The following ZNF611 variants were observed in gnomAD, a reference collection of about 807,000 sequenced individuals.
The protein encoded by ZNF611 is zinc finger protein 611.
ZNF611 carries 6 observed loss-of-function variants against 8.9 expected under a neutral mutation model. The observed-to-expected ratio is 0.68, with a 90% confidence interval of 0.37 to 1.34. The LOEUF is 1.34. Ranked by LOEUF, ZNF611 falls within the 40% of genes most tolerant of loss-of-function variation. ZNF611 has a pLI of 0.02. For synonymous variants in ZNF611, 262 were observed against 279.7 expected (o/e 0.94, Z 0.63); for missense variants, 874 against 841.3 (o/e 1.04, Z -0.48).
At chr19:52,725,654 C>T (rs962330943) in intron 3 of ZNF611, among the ~76,000 whole-genome samples, 14 of 152,162 alleles carry the variant, frequency 9.2e-5, no homozygotes, top group African/African-American at 3.4e-4. Context: ...GAGGACCCCA[C>T]GTCCCAGGGA....
chr19:52,733,339 C>G (rs1247664320), intron 1 of ZNF611, among the ~76,000 whole-genome samples: 1 of 152,130 alleles, frequency 6.6e-6, no homozygotes, highest in Non-Finnish European at 1.5e-5. Flanking sequence ...CTCGCTCTGA[C>G]GACCAGGCTG....
chr19:52,734,263 G>A (rs1278356082), intron 1 of ZNF611, among the ~76,000 whole-genome samples: 2 of 150,308 alleles, frequency 1.3e-5, no homozygotes, highest in Non-Finnish European at 3.0e-5. Context: ...ATCTGTTATG[G>A]GCCTTTCTTA....
At chr19:52,713,488 G>A (rs147388223) in intron 5 of ZNF611, among the ~76,000 whole-genome samples, 3 of 152,232 alleles carry the variant, frequency 2.0e-5, no homozygotes, top group African/African-American at 7.2e-5. Context: ...TGATGTCCTC[G>A]CTGGGAGGAA....
At chr19:52,717,065 C>G (rs2062322371) in intron 3 of ZNF611, among the ~76,000 whole-genome samples, 1 of 151,822 alleles carries the variant, frequency 6.6e-6, no homozygotes, top group African/African-American at 2.4e-5. Flanking sequence ...AAGACTGCAA[C>G]CATTTGTGCC....
chr19:52,714,310 A>G (rs1269536589), intron 4 of ZNF611, among the ~76,000 whole-genome samples, 169 bp from the exon 5 acceptor site: 1 of 152,160 alleles, frequency 6.6e-6, no homozygotes, highest in East Asian at 1.9e-4. Context: ...GTTTTATTGT[A>G]GTTTTCCTTG....
chr19:52,726,484 G>C (rs1034810964), intron 3 of ZNF611, among the ~76,000 whole-genome samples: 2 of 152,144 alleles, frequency 1.3e-5, no homozygotes, highest in African/African-American at 2.4e-5. Flanking sequence ...GCAGTGGCAT[G>C]ATTTTGGCTC....
intron 2 of ZNF611, among the ~76,000 whole-genome samples, chr19:52,729,492 C>CAAAAAAAAAAAAAAAAAAAAAAAAAAA (rs397859789): frequency 4.0e-4 from 17 of 42,356 alleles, no homozygotes; most frequent in East Asian, 1.8e-3. Flanking sequence ...GACTCCATCT[C>CAAAAAAAAAAAAAAAAAAAAAAAAAAA]AAAAAAAAAA....
At chr19:52,732,902 G>A (rs1378692920) in intron 1 of ZNF611, among the ~76,000 whole-genome samples, 1 of 151,840 alleles carries the variant, frequency 6.6e-6, no homozygotes, top group South Asian at 2.1e-4. Context: ...TGCAGTTAGA[G>A]GAGATCACGC....
In ZNF611 at chr19:52,713,998, A is replaced by C; in HGVS notation, c.190+17T>G. On this transcript the variant is annotated intron_variant, in intron 5 of 5. Coordinates refer to ENST00000652185, the MANE Select transcript of ZNF611 (RefSeq NM_001161499.2). ...ACAAGAGCAGACTCCTCATGTCTGC[A>C]GGGACATTTTCCTCACCCACAGCCT... The C allele has an allele frequency of 6.2e-7, 1 of 1,614,006 alleles. No homozygotes were observed. The highest frequency in any genetic ancestry group is 8.5e-7 in the Non-Finnish European group (1 of 1,179,970).
At chr19:52,722,759 C>T (rs761234695) in intron 3 of ZNF611, among the ~76,000 whole-genome samples, 17 of 152,270 alleles carry the variant, frequency 1.1e-4, no homozygotes, top group Non-Finnish European at 1.9e-4. Context: ...AAAACAGGGT[C>T]TTGCTCTTTT....
chr19:52,718,113 G>C (rs944457370), intron 3 of ZNF611, among the ~76,000 whole-genome samples: 4 of 152,096 alleles, frequency 2.6e-5, no homozygotes, highest in African/African-American at 9.7e-5. Flanking sequence ...GGGAGGCCAG[G>C]GCATGATCAC....
At chr19:52,718,203 G>T (rs965494211) in intron 3 of ZNF611, among the ~76,000 whole-genome samples, 1 of 152,102 alleles carries the variant, frequency 6.6e-6, no homozygotes, top group African/African-American at 2.4e-5. Context: ...AGCAGGAAAT[G>T]GTTGTGCACA....
At chr19:52,721,723 G>A (rs1306310961) in intron 3 of ZNF611, among the ~76,000 whole-genome samples, 1 of 151,962 alleles carries the variant, frequency 6.6e-6, no homozygotes, top group Non-Finnish European at 1.5e-5. Context: ...CAGAGGGAGA[G>A]GGAGAGGGAA....
chr19:52,731,081 G>A (rs536895459), intron 1 of ZNF611, among the ~76,000 whole-genome samples: 17 of 151,538 alleles, frequency 1.1e-4, no homozygotes, highest in African/African-American at 4.1e-4. Flanking sequence ...GGGGGTGGGG[G>A]AGACAGAGTC....
chr19:52,705,147 G>T lies in ZNF611; in HGVS notation c.1908C>A (p.Ser636=), dbSNP rs1319318416. ...ECGNTFRHCS[S]LIYHRRLHTG... Reference sequence around the variant, plus strand: ...TATGAAGTCTACGATGGTATATAAGGGATGAGCAGTGACGGAAGGTATTGC... The same window carrying T: ...TATGAAGTCTACGATGGTATATAAGTGATGAGCAGTGACGGAAGGTATTGC... The change falls in exon 6 of 6, where the codon TCC becomes TCA. Residue 636 remains serine (S), a synonymous_variant. Transcript: ENST00000652185. 1 of 1,613,692 alleles carries T rather than the reference G, an allele frequency of 6.2e-7. No homozygotes were observed. The highest frequency in any genetic ancestry group is 8.5e-7 in the Non-Finnish European group (1 of 1,179,914).
chr19:52,709,942 C>T (rs1381460167), intron 5 of ZNF611, among the ~76,000 whole-genome samples: 1 of 152,182 alleles, frequency 6.6e-6, no homozygotes, highest in Non-Finnish European at 1.5e-5. Context: ...CAGGACACGG[C>T]AGGAAGACGG....
In ZNF611 at chr19:52,704,633, A is replaced by G. The variant is rs1325698368; in HGVS notation, c.*304T>C. 1.3e-6 allele frequency: 2 copies of G among 1,588,514 alleles called. No homozygotes were observed. Among genetic ancestry groups the G allele is most frequent in the Non-Finnish European group, 1.7e-6 (2 of 1,157,968 alleles). On this transcript the variant is annotated 3_prime_UTR_variant, in exon 6 of 6. Transcript: ENST00000652185. Reference sequence around the variant, plus strand: ...GATCTCTCTTCATTATGGATTCTCCAATGATTTGTAATCGTTGTAGCATTA... The same window carrying G: ...GATCTCTCTTCATTATGGATTCTCCGATGATTTGTAATCGTTGTAGCATTA...
intron 1 of ZNF611, among the ~76,000 whole-genome samples, chr19:52,730,391 C>CAAAAAAAAAA (rs1159350274): frequency 4.1e-5 from 3 of 73,534 alleles, no homozygotes; most frequent in African/African-American, 5.0e-5. Flanking sequence ...GACTCCGTCT[C>CAAAAAAAAAA]AAAAAAAAAA....
intron 3 of ZNF611, among the ~76,000 whole-genome samples, chr19:52,720,314 T>C (rs555444142): frequency 5.9e-5 from 9 of 152,346 alleles, no homozygotes; most frequent in African/African-American, 1.9e-4. Flanking sequence ...CACTTCACAC[T>C]TGGAAGATTG....
Sources: allele counts gnomAD v4.1 joint callset (sites outside exome capture counted in the v4.1 genomes callset), GRCh38; gene constraint gnomAD v4.1.1; transcripts MANE v1.5; gene names NCBI Gene and HGNC (gene_info 2026-07-23, HGNC 2026-07-21).